The following DSP variants were observed in gnomAD, a reference collection of about 807,000 sequenced individuals.
DSP encodes the protein 250/210 kDa paraneoplastic pemphigus antigen.
In DSP, 114 loss-of-function variants were observed where a neutral mutation model predicts 290.6. The ratio of observed to expected loss-of-function variants is 0.39; its 90% confidence interval spans 0.34 to 0.46. The LOEUF (loss-of-function observed/expected upper bound fraction) is 0.46. Among genes scored for constraint, DSP ranks in the 20% least tolerant of loss-of-function variants. DSP has a pLI of 0.99. For synonymous variants in DSP, 1,311 were observed against 1,316.4 expected (o/e 1.00, Z 0.09); for missense variants, 3,230 against 3,495.8 (o/e 0.92, Z 1.92).
chr6:7,550,510 T>A (rs1467457341), intron 1 of DSP, among the ~76,000 whole-genome samples: 2 of 152,218 alleles, frequency 1.3e-5, no homozygotes, highest in Admixed American at 1.3e-4. Context: ...CACATATTCA[T>A]GTGGTCCGTC....
In DSP at chr6:7,585,773, T is replaced by TCGCTCCGGGTCC; in HGVS notation, c.8515_8526dup (p.Ser2843_Arg2846dup). On this transcript the variant is annotated inframe_insertion, in exon 24 of 24. Coordinates refer to ENST00000379802, the MANE Select transcript of DSP (RefSeq NM_004415.4). The stretch of plus-strand genomic sequence containing the variant: ...CCCGCTCGGGATCTCGCTCCGGATC[T>TCGCTCCGGGTCC]CGCTCCGGGTCCCGCAGTGGGTCCC... 1 of 1,608,602 alleles carries TCGCTCCGGGTCC rather than the reference T, an allele frequency of 6.2e-7. No individual in the cohort carries two copies.
Position 7,558,098 on chromosome 6 carries a change from G to T in DSP, c.274-18G>T. On this transcript the variant is annotated intron_variant, in intron 2 of 23. Transcript: ENST00000379802. ...CCTGGTAGTATGTGTTTTCCTTCAT[G>T]TGAGTGTTTTCTTTCAGGAATTGAA... 1.2e-6 allele frequency: 2 copies of T among 1,614,204 alleles called. No homozygotes were observed. Among genetic ancestry groups the T allele is most frequent in the Middle Eastern group, 1.6e-4 (1 of 6,062 alleles).
chr6:7,582,875 T>G lies in DSP; in HGVS notation c.5613T>G (p.Tyr1871Ter). 1 of 1,614,058 alleles carries G rather than the reference T, an allele frequency of 6.2e-7. No individual in the cohort carries two copies. Among genetic ancestry groups the G allele is most frequent in the Non-Finnish European group, 8.5e-7 (1 of 1,180,022 alleles). The change falls in exon 24 of 24, where the codon TAT becomes TAG. Residue 1871 changes from tyrosine (Y) to a stop codon, truncating the protein, a stop_gained. Coordinates refer to ENST00000379802, the MANE Select transcript of DSP (RefSeq NM_004415.4). LOFTEE classifies it high-confidence loss of function. This position sits in a 1 kb window ranked among gnomAD's most constrained non-coding sequence, Gnocchi z 4.2. Reference protein sequence around the residue: ...QNDLNQWKTQYSRKEEAIRKI... With the variant: ...QNDLNQWKTQ ...ACCTGAATCAGTGGAAGACTCAATA[T>G]TCCCGCAAGGAGGAGGCTATTAGGA... is the stretch of plus-strand genomic sequence containing the variant.
At position 7,585,001 on chromosome 6, in the gene DSP, A is replaced by G; in HGVS notation, c.7739A>G (p.Asp2580Gly). ...AGCATGGGCAGTGGTGTCAGCGATG[A>G]TGTTTTTAGCAGCTCCCGACATGAA... Reference protein sequence around the residue: ...SSSMGSGVSDDVFSSSRHESV... With the variant: ...SSSMGSGVSDGVFSSSRHESV... Residue 2580 changes from aspartate (D) to glycine (G), a missense_variant, in exon 24 of 24, where the codon GAT becomes GGT. Physicochemically the swap from Asp to Gly is moderately conservative, Grantham distance 94 (BLOSUM62 -1). Coordinates refer to ENST00000379802, the MANE Select transcript of DSP (RefSeq NM_004415.4). The G allele has an allele frequency of 6.2e-7, 1 of 1,614,206 alleles. No individual in the cohort carries two copies. Among genetic ancestry groups the G allele is most frequent in the Non-Finnish European group, 8.5e-7 (1 of 1,180,028 alleles).
At position 7,582,880 on chromosome 6, in the gene DSP, G is replaced by A. The variant is rs776088292; in HGVS notation, c.5618G>A (p.Arg1873His). ...AATCAGTGGAAGACTCAATATTCCC[G>A]CAAGGAGGAGGCTATTAGGAAGATA... Reference protein sequence around the residue: ...DLNQWKTQYSRKEEAIRKIES... With the variant: ...DLNQWKTQYSHKEEAIRKIES... Residue 1873 changes from arginine to histidine, a missense_variant, in exon 24 of 24, where the codon CGC becomes CAC. Arg to His is a conservative substitution (Grantham distance 29, BLOSUM62 0). Around this residue, in one of 5 missense-constraint regions of DSP, gnomAD observed 1,714 missense variants for 1,844.5 expected, o/e 0.93. Transcript: ENST00000379802. This position sits in a 1 kb window ranked among gnomAD's most constrained non-coding sequence, Gnocchi z 4.2. 31 of 1,614,070 alleles carry A rather than the reference G, an allele frequency of 1.9e-5. No individual in the cohort carries two copies. The Admixed American group carries it at 2.0e-4, about 10-fold the overall frequency.
intron 21 of DSP, among the ~76,000 whole-genome samples, chr6:7,578,135 T>C (rs993961483): frequency 7.2e-6 from 1 of 139,004 alleles, no homozygotes; most frequent in African/African-American, 2.7e-5. Context: ...TTTGTAGAAA[T>C]TGGGCTTAAA....
intron 7 of DSP, 142 bp from the exon 8 acceptor site, chr6:7,566,235 T>A: frequency 1.4e-6 from 1 of 730,846 alleles, no homozygotes; most frequent in East Asian, 2.7e-5. Context: ...AATGCTGTGA[T>A]TCTTGAGGAA....
At chr6:7,550,929 A>G (rs568229987) in intron 1 of DSP, among the ~76,000 whole-genome samples, 9 of 152,182 alleles carry the variant, frequency 5.9e-5, no homozygotes, top group African/African-American at 2.2e-4. Context: ...CCTAACACCC[A>G]TATGTAGCAG....
At chr6:7,573,745 G>A (rs1759133543) in intron 15 of DSP, among the ~76,000 whole-genome samples, 2 of 152,144 alleles carry the variant, frequency 1.3e-5, no homozygotes, top group African/African-American at 4.8e-5. Context: ...GTAGGATGGT[G>A]ATTACCGGGG....
At position 7,572,067 on chromosome 6, in the gene DSP, A is replaced by G; in HGVS notation, c.2129A>G (p.Lys710Arg). 1 of 1,613,340 alleles carries G rather than the reference A, an allele frequency of 6.2e-7. No individual in the cohort carries two copies. Among genetic ancestry groups the G allele is most frequent in the Non-Finnish European group, 8.5e-7 (1 of 1,179,326 alleles). The part of the protein sequence containing the change: ...HHITVKINEL[K>R]SVQNDSQAIA... ...ATCACAGTGAAAATTAACGAGCTTA[A>G]GGTAGGTATCTGCTAGTATTTTGCC... Residue 710 changes from lysine to arginine, a missense_variant and splice_region_variant, in exon 15 of 24, where the codon AAG becomes AGG. Around this residue, in one of 5 missense-constraint regions of DSP, gnomAD observed 1,714 missense variants for 1,844.5 expected, o/e 0.93. Transcript: ENST00000379802.
chr6:7,561,500 G>T (rs1581795778), intron 4 of DSP, among the ~76,000 whole-genome samples: 1 of 152,094 alleles, frequency 6.6e-6, no homozygotes, highest in Non-Finnish European at 1.5e-5. Context: ...CAGGAGGCAG[G>T]CACTCCTGAG....
intron 11 of DSP, 78 bp from the exon 12 acceptor site, chr6:7,569,108 C>T (rs920211735): frequency 1.1e-5 from 18 of 1,595,160 alleles, no homozygotes; most frequent in Non-Finnish European, 1.5e-5. Context: ...GTGTTCATCT[C>T]TGTTTCCATC....
intron 8 of DSP, among the ~76,000 whole-genome samples, chr6:7,567,029 C>T (rs752484263): frequency 6.6e-6 from 1 of 152,210 alleles, no homozygotes; most frequent in Non-Finnish European, 1.5e-5. Context: ...AGGAACAGGG[C>T]TCGGTGTGGC....
chr6:7,585,675 G>A lies in DSP; in HGVS notation c.8413G>A (p.Ala2805Thr). 1 of 1,614,244 alleles carries A rather than the reference G, an allele frequency of 6.2e-7. No homozygotes were observed. Among genetic ancestry groups the A allele is most frequent in the Non-Finnish European group, 8.5e-7 (1 of 1,180,048 alleles). Reference sequence around the variant, plus strand: ...TATCACTGGGCTGCGCCTTCTGGAAGCCGCCTCCGTGTCGTCCAAGGGCTT... The same window carrying A: ...TATCACTGGGCTGCGCCTTCTGGAAACCGCCTCCGTGTCGTCCAAGGGCTT... ...EDITGLRLLEAASVSSKGLPS... is the reference protein window; with the variant it reads ...EDITGLRLLETASVSSKGLPS... Residue 2805 changes from alanine to threonine, a missense_variant, in exon 24 of 24, where the codon GCC becomes ACC. This residue lies in a region of DSP where 582 missense variants were observed against 555.4 expected (regional missense o/e 1.05). Coordinates refer to ENST00000379802, the MANE Select transcript of DSP (RefSeq NM_004415.4).
chr6:7,542,568 C>T lies in DSP; in HGVS notation c.170+483C>T, dbSNP rs536190100. Among the ~76,000 whole-genome samples, 51 of 152,324 alleles carry T rather than the reference C, an allele frequency of 3.3e-4. No homozygotes were observed. In the South Asian group the frequency reaches 0.011, roughly 32 times the overall value. ...GTCTCTACCGGCTCACCCCCAATCC[C>T]CAGTAACCCCGAGACCACGACTGCA... On this transcript the variant is annotated intron_variant, in intron 1 of 23. Coordinates refer to ENST00000379802, the MANE Select transcript of DSP (RefSeq NM_004415.4).
At chr6:7,557,791 C>T (rs978820252) in intron 2 of DSP, among the ~76,000 whole-genome samples, 3 of 152,116 alleles carry the variant, frequency 2.0e-5, no homozygotes, top group South Asian at 4.1e-4. Context: ...CATAATGGTA[C>T]AGTGTCCTTG....
At position 7,565,297 on chromosome 6, in the gene DSP, T is replaced by C. The variant is rs1758825326; in HGVS notation, c.778-62T>C. On this transcript the variant is annotated intron_variant, in intron 6 of 23. Coordinates refer to ENST00000379802, the MANE Select transcript of DSP (RefSeq NM_004415.4). This position sits in a 1 kb window ranked among gnomAD's most constrained non-coding sequence, Gnocchi z 4.2. ...GGACCACAGGTTTAATCTTTAAACC[T>C]GCAGAGAACACCAGTCACTGCATAT... 6.3e-7 allele frequency: 1 copy of C among 1,597,870 alleles called. No homozygotes were observed. Among genetic ancestry groups the C allele is most frequent in the Non-Finnish European group, 8.6e-7 (1 of 1,168,060 alleles).
intron 1 of DSP, among the ~76,000 whole-genome samples, chr6:7,543,821 T>G (rs989784375): frequency 3.3e-5 from 5 of 152,244 alleles, no homozygotes; most frequent in Admixed American, 3.3e-4. Context: ...TCCCTTGGCT[T>G]CTTATACCTT....
intron 1 of DSP, among the ~76,000 whole-genome samples, chr6:7,543,099 G>T (rs569302438): frequency 6.6e-6 from 1 of 152,316 alleles, no homozygotes; most frequent in East Asian, 1.9e-4. Context: ...CTTTGACCGG[G>T]TCTCGGGAGC....
Sources: gnomAD v4.1 joint callset for allele counts (sites outside exome capture counted in the v4.1 genomes callset) on GRCh38, gnomAD v4.1.1 for gene constraint, gnomAD v4.1.1 regional missense constraint, Gnocchi (gnomAD v3.1) non-coding constraint, MANE v1.5 for transcripts, NCBI Gene and HGNC (gene_info 2026-07-23, HGNC 2026-07-21) for gene names.